The following DOCK4 variants were observed in gnomAD, a reference collection of about 807,000 sequenced individuals.
The protein encoded by DOCK4 is dedicator of cytokinesis protein 4.
Under a neutral mutation model 268.1 loss-of-function variants are expected in DOCK4, and 97 were observed. The observed-to-expected ratio is 0.36, with a 90% CI of 0.31 to 0.43. The LOEUF is 0.43. Ranked by LOEUF, DOCK4 falls within the 20% of genes least tolerant of loss-of-function variation. DOCK4 has a pLI of 1.00. For synonymous variants in DOCK4, 954 were observed against 887.2 expected (o/e 1.08, Z -1.34); for missense variants, 2,145 against 2,455.7 (o/e 0.87, Z 2.67).
chr7:111,922,629 T>C (rs1793241039), intron 12 of DOCK4, among the ~76,000 whole-genome samples: 1 of 152,214 alleles, frequency 6.6e-6, no homozygotes, highest in South Asian at 2.1e-4. Flanking sequence ...TCGCCCAGGC[T>C]GGAGTGCAGT....
At chr7:112,062,278 G>A (rs945500365) in intron 1 of DOCK4, among the ~76,000 whole-genome samples, 6 of 152,054 alleles carry the variant, frequency 3.9e-5, no homozygotes, top group African/African-American at 1.4e-4. Context: ...TTCAAGAAAA[G>A]CACAGCGATT....
intron 1 of DOCK4, among the ~76,000 whole-genome samples, chr7:112,036,335 C>G (rs1489700453): frequency 2.0e-5 from 3 of 151,922 alleles, no homozygotes; most frequent in African/African-American, 7.3e-5. Context: ...AGCACAGAAT[C>G]CATTTAAATA....
chr7:112,191,315 C>T (rs1248809904), intron 1 of DOCK4, among the ~76,000 whole-genome samples: 1 of 152,184 alleles, frequency 6.6e-6, no homozygotes, highest in Non-Finnish European at 1.5e-5. Context: ...CAAAGACGCA[C>T]ACATTTATTC....
chr7:111,823,761 G>A (rs563571570), intron 26 of DOCK4, among the ~76,000 whole-genome samples: 2 of 152,276 alleles, frequency 1.3e-5, no homozygotes, highest in African/African-American at 4.8e-5. Context: ...ACGATATGGT[G>A]TTGCTTCAAA....
chr7:112,195,285 TAAAC>T (rs1454324678), intron 1 of DOCK4, among the ~76,000 whole-genome samples: 7 of 152,036 alleles, frequency 4.6e-5, no homozygotes, highest in African/African-American at 1.2e-4. Context: ...TCTCAAAAAA[TAAAC>T]AAACTAGCAA....
In DOCK4 at chr7:111,728,378, G is replaced by A. The variant is rs1012421252; in HGVS notation, c.5824C>T (p.Pro1942Ser). ...CTGGATCGCGCTGCCAGAGGCTTGG[G>A]GGGCAGCGCGGGCGGCTCCGACGTG... is the stretch of plus-strand genomic sequence containing the variant. ...PVTSEPPALP[P>S]KPLAARSSHL... The change falls in exon 53 of 53, where the codon CCC becomes TCC. Residue 1942 changes from proline (P) to serine (S), a missense_variant. Physicochemically the swap from Pro to Ser is moderately conservative, Grantham distance 74. Coordinates refer to ENST00000428084, the MANE Select transcript of DOCK4 (RefSeq NM_001363540.2). 1.3e-6 allele frequency: 2 copies of A among 1,541,132 alleles called. No homozygotes were observed. Among genetic ancestry groups the A allele is most frequent in the Non-Finnish European group, 1.7e-6 (2 of 1,144,270 alleles).
intron 23 of DOCK4, among the ~76,000 whole-genome samples, chr7:111,856,774 T>C (rs1473333379): frequency 1.3e-5 from 2 of 152,116 alleles, no homozygotes; most frequent in African/African-American, 4.8e-5. Flanking sequence ...GATAAAGGGA[T>C]TGAGACTGAA....
At chr7:111,825,102 T>C (rs1389676688) in intron 26 of DOCK4, among the ~76,000 whole-genome samples, 2 of 152,120 alleles carry the variant, frequency 1.3e-5, no homozygotes, top group Admixed American at 1.3e-4. Context: ...ACTTGTAAAA[T>C]GTGGGGGCTT....
chr7:111,977,036 A>G, intron 8 of DOCK4, 96 bp downstream of exon 8: 1 of 1,390,668 alleles, frequency 7.2e-7, no homozygotes, highest in East Asian at 2.5e-5. Context: ...TGACGGAGTA[A>G]AAAATATACA....
At chr7:112,161,117 T>C (rs542770843) in intron 1 of DOCK4, among the ~76,000 whole-genome samples, 1 of 152,230 alleles carries the variant, frequency 6.6e-6, no homozygotes, top group African/African-American at 2.4e-5. Context: ...CCTGTTATGA[T>C]GTCTACCTGG....
chr7:112,013,930 C>T (rs577763055), intron 1 of DOCK4, among the ~76,000 whole-genome samples: 5 of 152,294 alleles, frequency 3.3e-5, no homozygotes, highest in East Asian at 3.9e-4. Flanking sequence ...TCTACTTCTG[C>T]GGCTCCTTTA....
At position 111,742,102 on chromosome 7, in the gene DOCK4, G is replaced by A; in HGVS notation, c.4708C>T (p.His1570Tyr). Residue 1570 changes from histidine (H) to tyrosine (Y), a missense_variant, in exon 45 of 53, where the codon CAT becomes TAT. By Grantham distance (83) the His-to-Tyr change is moderately conservative. Coordinates refer to ENST00000428084, the MANE Select transcript of DOCK4 (RefSeq NM_001363540.2). ...ATATCTTGAGGTACAAACTTCTCAT[G>A]CACGGCCAAACCAAATTCCAGAATC... ...AQILEFGLAV[H>Y]EKFVPQDMRP... 1 of 1,599,112 alleles carries A rather than the reference G, an allele frequency of 6.3e-7. No homozygotes were observed. The highest frequency in any genetic ancestry group is 2.2e-5 in the East Asian group (1 of 44,496).
intron 27 of DOCK4, chr7:111,819,856 G>A (rs1401261166): frequency 6.6e-6 from 1 of 152,122 alleles, no homozygotes; most frequent in East Asian, 1.9e-4. Flanking sequence ...GAGAGGCCCT[G>A]AAAAAATGTT....
chr7:111,868,068 G>A lies in DOCK4; in HGVS notation c.2196C>T (p.Arg732=). 6.2e-7 allele frequency: 1 copy of A among 1,613,778 alleles called. No homozygotes were observed. Among genetic ancestry groups the A allele is most frequent in the Non-Finnish European group, 8.5e-7 (1 of 1,179,770 alleles). The part of the protein sequence containing the change: ...ATGGQNEEEF[R]CCIQELLMSV... ...ACATGAGAAGCTCCTGAATGCAGCA[G>A]CGGAACTCCTCTTCGTTTTGCCCAC... is the stretch of plus-strand genomic sequence containing the variant. The change falls in exon 22 of 53, where the codon CGC becomes CGT. Residue 732 remains arginine (R), a synonymous_variant. Coordinates refer to ENST00000428084, the MANE Select transcript of DOCK4 (RefSeq NM_001363540.2).
chr7:112,180,154 C>A (rs967673516), intron 1 of DOCK4, among the ~76,000 whole-genome samples: 3 of 151,736 alleles, frequency 2.0e-5, no homozygotes. Context: ...GAAAACAGAC[C>A]ATAAAAGAGA....
At chr7:111,951,829 A>G (rs1796075012) in intron 8 of DOCK4, among the ~76,000 whole-genome samples, 1 of 151,900 alleles carries the variant, frequency 6.6e-6, no homozygotes, top group Admixed American at 6.6e-5. Flanking sequence ...GCACCACTGT[A>G]CTCCAGTGGG....
In DOCK4 at chr7:111,735,271, T is replaced by G. The variant is rs141902854; in HGVS notation, c.5306-104A>C. ...AATTATCCAGAATGAAAAACTTAAC[T>G]GGATGAAAAACAAAACAGGAAACTT... On this transcript the variant is annotated intron_variant, in intron 50 of 52. Transcript: ENST00000428084. 58 of 752,392 alleles carry G rather than the reference T, an allele frequency of 7.7e-5. No homozygotes were observed. The African/African-American group carries it at 8.9e-4, about 12-fold the overall frequency. The allele number at this position is 752,392 out of a possible 1,614,324, so 46.6% of individuals were successfully genotyped here. A position where few individuals can be genotyped will look rare whatever the true frequency, so the allele number is the denominator to read the frequency against.
rs73210935 is a variant in DOCK4, at chr7:112,095,101, T to G, written c.38-90970A>C. 2.0e-5 allele frequency among the ~76,000 whole-genome samples: 3 copies of G among 152,222 alleles called. No homozygotes were observed. In the East Asian group the frequency reaches 5.8e-4, roughly 29 times the overall value. Reference sequence around the variant, plus strand: ...ACTTTTGTACAGCAAAAGGATAATTTGCAATCCTGAAAAATTCCTTCTACT... The same window carrying G: ...ACTTTTGTACAGCAAAAGGATAATTGGCAATCCTGAAAAATTCCTTCTACT... On this transcript the variant is annotated intron_variant, in intron 1 of 52. Coordinates refer to ENST00000428084, the MANE Select transcript of DOCK4 (RefSeq NM_001363540.2).
chr7:111,792,163 G>A (rs1055463596), intron 30 of DOCK4, among the ~76,000 whole-genome samples: 2 of 152,178 alleles, frequency 1.3e-5, no homozygotes, highest in Non-Finnish European at 2.9e-5. Context: ...TAAGTTTCTA[G>A]TTCTATAATA....
Sources: gnomAD v4.1 joint callset for allele counts (sites outside exome capture counted in the v4.1 genomes callset) on GRCh38, gnomAD v4.1.1 for gene constraint, MANE v1.5 for transcripts, NCBI Gene and HGNC (gene_info 2026-07-23, HGNC 2026-07-21) for gene names.